The following CDH6 variants were observed in gnomAD, a reference collection of about 807,000 sequenced individuals.
CDH6 encodes the protein cadherin-6.
CDH6 carries 31 observed loss-of-function variants against 78.0 expected under a neutral mutation model. The observed-to-expected ratio is 0.40, with a 90% CI of 0.30 to 0.54. The LOEUF is 0.54. Ranked by LOEUF, CDH6 falls within the 20% of genes least tolerant of loss-of-function variation. CDH6 has a pLI of 0.56. For synonymous variants in CDH6, 376 were observed against 368.8 expected, an observed-to-expected ratio of 1.02 and a Z score of -0.23; for missense variants, 724 against 975.9, an observed-to-expected ratio of 0.74 and a Z score of 3.44.
intron 3 of CDH6, among the ~76,000 whole-genome samples, chr5:31,295,850 T>C (rs756847295): frequency 3.9e-5 from 6 of 152,154 alleles, no homozygotes; most frequent in Non-Finnish European, 8.8e-5. Context: ...ATAAAACAGG[T>C]ACAGAGTCCC....
chr5:31,223,474 G>A (rs1741057386), intron 1 of CDH6, among the ~76,000 whole-genome samples: 1 of 152,158 alleles, frequency 6.6e-6, no homozygotes, highest in Non-Finnish European at 1.5e-5. Context: ...GTGGAACTTA[G>A]GAGTTTTGTA....
At chr5:31,214,180 AC>A (rs1157732433) in intron 1 of CDH6, among the ~76,000 whole-genome samples, 2 of 151,864 alleles carry the variant, frequency 1.3e-5, no homozygotes, top group Non-Finnish European at 2.9e-5. Context: ...CTGGGAAAAA[AC>A]CAGACACACT....
chr5:31,266,377 T>A (rs1742355321), intron 1 of CDH6, among the ~76,000 whole-genome samples: 1 of 152,214 alleles, frequency 6.6e-6, no homozygotes, highest in South Asian at 2.1e-4. Flanking sequence ...CACTGGTACT[T>A]AGATATGTTT....
At chr5:31,302,765 GA>G (rs1442399091) in intron 6 of CDH6, among the ~76,000 whole-genome samples, 30 of 107,740 alleles carry the variant, frequency 2.8e-4, no homozygotes, top group African/African-American at 5.1e-4. Flanking sequence ...AAGAAAGAAA[GA>G]AAGAAAGAAG....
chr5:31,301,150 C>T (rs1047631530), intron 5 of CDH6, among the ~76,000 whole-genome samples: 6 of 152,110 alleles, frequency 3.9e-5, no homozygotes, highest in African/African-American at 1.4e-4. Flanking sequence ...GAGTTACGTA[C>T]TTGAGTCAAA....
chr5:31,194,041 G>C (rs1301011440), intron 1 of CDH6, among the ~76,000 whole-genome samples, 155 bp downstream of exon 1: 1 of 151,982 alleles, frequency 6.6e-6, no homozygotes, highest in Non-Finnish European at 1.5e-5. Context: ...AGCCCGGGTC[G>C]GGGCGGGCGC....
intron 1 of CDH6, among the ~76,000 whole-genome samples, chr5:31,256,739 G>A (rs753703523): frequency 1.3e-5 from 2 of 152,192 alleles, no homozygotes; most frequent in African/African-American, 2.4e-5. Flanking sequence ...AGAGGAAATT[G>A]GAACACATTG....
rs1160180405 is a variant in CDH6, at chr5:31,292,822, C to CATAT, written c.229-1119_229-1116dup. Among the ~76,000 whole-genome samples, 65 of 49,952 alleles carry CATAT rather than the reference C, an allele frequency of 1.3e-3. 1 individual carries two copies. Among genetic ancestry groups the CATAT allele is most frequent in the African/African-American group, 6.2e-3 (62 of 10,028 alleles). 32.8% of individuals were successfully genotyped at this position (49,952 alleles called of 152,430 possible). On this transcript the variant is annotated intron_variant, in intron 2 of 11. Transcript: ENST00000265071. ...GTGTGTGCATATATATATATGTGTG[C>CATAT]ATATATATATATATATATATATATG...
chr5:31,300,697 C>T (rs1395180219), intron 5 of CDH6, among the ~76,000 whole-genome samples: 1 of 152,140 alleles, frequency 6.6e-6, no homozygotes, highest in African/African-American at 2.4e-5. Context: ...ACCCTGGTAC[C>T]ACAGGAATTT....
At chr5:31,318,192 G>C (rs1212367400) in intron 11 of CDH6, 1 of 591,848 alleles carries the variant, frequency 1.7e-6, no homozygotes, top group African/African-American at 1.9e-5. Context: ...AATGAATCTC[G>C]GGGGATTTCA....
chr5:31,312,583 C>G (rs1738189116), intron 7 of CDH6, among the ~76,000 whole-genome samples: 1 of 152,144 alleles, frequency 6.6e-6, no homozygotes, highest in Non-Finnish European at 1.5e-5. Context: ...CCCAGCTACT[C>G]TGGAGGCTAA....
intron 3 of CDH6, among the ~76,000 whole-genome samples, chr5:31,295,360 A>G (rs1737555344): frequency 1.3e-5 from 2 of 152,176 alleles, no homozygotes; most frequent in African/African-American, 4.8e-5. Flanking sequence ...AAAAGGCAGA[A>G]GAATTCATGA....
At chr5:31,197,504 G>T (rs1740201275) in intron 1 of CDH6, among the ~76,000 whole-genome samples, 1 of 152,116 alleles carries the variant, frequency 6.6e-6, no homozygotes, top group African/African-American at 2.4e-5. Flanking sequence ...AGTGTCTACT[G>T]AGCACACTTT....
At chr5:31,195,990 G>T (rs1449375523) in intron 1 of CDH6, among the ~76,000 whole-genome samples, 1 of 152,230 alleles carries the variant, frequency 6.6e-6, no homozygotes, top group Non-Finnish European at 1.5e-5. Context: ...GAAAGTGACA[G>T]TTTGGTATCT....
chr5:31,327,634 A>G lies in CDH6; in HGVS notation c.*4326A>G, dbSNP rs1386439239. 2 of 197,856 alleles carry G rather than the reference A, an allele frequency of 1.0e-5. No individual in the cohort carries two copies. Among genetic ancestry groups the G allele is most frequent in the Non-Finnish European group, 2.1e-5 (2 of 95,652 alleles). The allele number at this position is 197,856 out of a possible 1,614,324, so 12.3% of individuals were successfully genotyped here. On this transcript the variant is annotated 3_prime_UTR_variant, in exon 12 of 12. Coordinates refer to ENST00000265071, the MANE Select transcript of CDH6 (RefSeq NM_004932.4). ...TCTTCAGGAAAATGAGCTATTTCAT[A>G]AGCTCAAACAAGCAGCTTCCTTTTC...
intron 1 of CDH6, among the ~76,000 whole-genome samples, chr5:31,245,593 T>C (rs1741723051): frequency 6.6e-6 from 1 of 152,206 alleles, no homozygotes; most frequent in African/African-American, 2.4e-5. Flanking sequence ...GTTTTTACTT[T>C]TAAGTTGAAT....
chr5:31,281,374 C>CT (rs1407606776), intron 2 of CDH6, among the ~76,000 whole-genome samples: 1 of 151,810 alleles, frequency 6.6e-6, no homozygotes. Flanking sequence ...TGTGTGTGTC[C>CT]TTTTTTGGTG....
chr5:31,245,882 CTT>C (rs1741731323), intron 1 of CDH6, among the ~76,000 whole-genome samples: 1 of 133,182 alleles, frequency 7.5e-6, no homozygotes, highest in Non-Finnish European at 1.6e-5. Context: ...TTAACATTTT[CTT>C]TTCTCTCTCT....
intron 1 of CDH6, among the ~76,000 whole-genome samples, chr5:31,265,062 G>A (rs1487353193): frequency 6.6e-6 from 1 of 152,196 alleles, no homozygotes; most frequent in Non-Finnish European, 1.5e-5. Flanking sequence ...GAGTGCAGCA[G>A]CAGACGTGTA....
Sources: allele counts gnomAD v4.1 joint callset (sites outside exome capture counted in the v4.1 genomes callset), GRCh38; gene constraint gnomAD v4.1.1; transcripts MANE v1.5; gene names NCBI Gene and HGNC (gene_info 2026-07-23, HGNC 2026-07-21).